The following GIPC2 variants were observed in gnomAD, a reference collection of about 807,000 sequenced individuals.
GIPC2 encodes PDZ domain-containing protein GIPC2.
Under a neutral mutation model 30.6 loss-of-function variants are expected in GIPC2, and 30 were observed. The observed-to-expected ratio is 0.98, with a 90% CI of 0.73 to 1.33. GIPC2 has a LOEUF of 1.33. GIPC2 is among the 40% of genes most tolerant of loss of function. The pLI is 0.00. For missense variants in GIPC2, 414 were observed against 390.3 expected (o/e 1.06, Z -0.51); for synonymous variants, 167 against 150.0 (o/e 1.11, Z -0.83).
chr1:78,135,698 T>C lies in GIPC2; in HGVS notation c.903T>C (p.Phe301=). The change falls in exon 6 of 6, where the codon TTT becomes TTC. Residue 301 remains phenylalanine, a synonymous_variant. Transcript: ENST00000370759. ...TTGCGTTCCCAGACGAATTTGTCTT[T>C]GATGTTTGGGGAGTCATTGGTGATG... ...GDFAFPDEFV[F]DVWGVIGDAK... 2 of 1,613,822 alleles carry C rather than the reference T, an allele frequency of 1.2e-6. No individual in the cohort carries two copies. Among genetic ancestry groups the C allele is most frequent in the Non-Finnish European group, 1.7e-6 (2 of 1,179,810 alleles).
At chr1:78,048,317 CAG>C (rs911609881) in intron 1 of GIPC2, among the ~76,000 whole-genome samples, 4 of 152,126 alleles carry the variant, frequency 2.6e-5, no homozygotes, top group African/African-American at 9.7e-5. Context: ...CCCCACTTCA[CAG>C]AGAGGAAACA....
intron 1 of GIPC2, among the ~76,000 whole-genome samples, chr1:78,063,906 A>G (rs960367426): frequency 5.9e-5 from 9 of 152,010 alleles, no homozygotes; most frequent in Admixed American, 5.2e-4. Flanking sequence ...AGACAAAAAA[A>G]AAAAAAAAAA....
chr1:78,060,973 A>T (rs654185), intron 1 of GIPC2, among the ~76,000 whole-genome samples: 34,431 of 151,730 alleles, frequency 0.23, 4,270 homozygotes, highest in East Asian at 0.51. Flanking sequence ...GAAGAACAGG[A>T]GTAGCCCTAA....
At chr1:78,093,455 A>G (rs796627730) in intron 2 of GIPC2, among the ~76,000 whole-genome samples, 3 of 152,252 alleles carry the variant, frequency 2.0e-5, no homozygotes, top group Non-Finnish European at 4.4e-5. Flanking sequence ...TGCATATAGC[A>G]TGTTAACAGC....
chr1:78,079,019 G>T (rs1661774675), intron 1 of GIPC2, among the ~76,000 whole-genome samples: 1 of 152,038 alleles, frequency 6.6e-6, no homozygotes, highest in Non-Finnish European at 1.5e-5. Context: ...TTACAGTTAG[G>T]ATCAGAAATA....
intron 3 of GIPC2, among the ~76,000 whole-genome samples, chr1:78,110,079 T>A (rs1429454291): frequency 3.9e-5 from 6 of 151,946 alleles, no homozygotes; most frequent in Admixed American, 1.3e-4. Context: ...GAGATATACC[T>A]AATGTAAATG....
chr1:78,067,131 A>G (rs771445993), intron 1 of GIPC2, among the ~76,000 whole-genome samples: 3 of 151,994 alleles, frequency 2.0e-5, no homozygotes, highest in Non-Finnish European at 4.4e-5. Flanking sequence ...TGGCTATTTG[A>G]CAGGTTTATA....
intron 3 of GIPC2, among the ~76,000 whole-genome samples, chr1:78,102,801 G>A (rs1662272917): frequency 6.6e-6 from 1 of 152,196 alleles, no homozygotes; most frequent in African/African-American, 2.4e-5. Context: ...TTATAAAGGT[G>A]TATCCTTTTC....
At chr1:78,110,889 T>G (rs1002399688) in intron 3 of GIPC2, among the ~76,000 whole-genome samples, 2 of 152,210 alleles carry the variant, frequency 1.3e-5, no homozygotes, top group Non-Finnish European at 2.9e-5. Context: ...TAAACTGATT[T>G]GGTGAGATCT....
At chr1:78,073,463 C>A (rs1370301947) in intron 1 of GIPC2, among the ~76,000 whole-genome samples, 4 of 151,918 alleles carry the variant, frequency 2.6e-5, no homozygotes, top group Non-Finnish European at 4.4e-5. Flanking sequence ...ATTTGAGATA[C>A]AGTATAAAAA....
chr1:78,054,984 T>C (rs1189694907), intron 1 of GIPC2, among the ~76,000 whole-genome samples: 3 of 152,184 alleles, frequency 2.0e-5, no homozygotes, highest in Non-Finnish European at 4.4e-5. Context: ...AGTGGAAGGC[T>C]CTTGCAGGTT....
chr1:78,082,437 C>A (rs1309705376), intron 2 of GIPC2, among the ~76,000 whole-genome samples: 2 of 152,080 alleles, frequency 1.3e-5, no homozygotes, highest in Non-Finnish European at 2.9e-5. Context: ...TTTAGCTCTG[C>A]AAAAGATATG....
At chr1:78,115,188 A>G (rs551005189) in intron 3 of GIPC2, among the ~76,000 whole-genome samples, 1 of 151,984 alleles carries the variant, frequency 6.6e-6, no homozygotes, top group South Asian at 2.1e-4. Flanking sequence ...TTTTTTTTCA[A>G]TGTATGTAGA....
chr1:78,074,410 G>A (rs1428548068), intron 1 of GIPC2, among the ~76,000 whole-genome samples: 1 of 152,102 alleles, frequency 6.6e-6, no homozygotes, highest in Non-Finnish European at 1.5e-5. Context: ...ATTTTAAGAG[G>A]TGTAGTCTCG....
intron 1 of GIPC2, among the ~76,000 whole-genome samples, chr1:78,052,081 C>T (rs1020598615): frequency 6.6e-6 from 1 of 152,192 alleles, no homozygotes; most frequent in African/African-American, 2.4e-5. Context: ...CTGCTCCAGC[C>T]AGACTGGTCT....
chr1:78,130,032 G>A (rs575820027), intron 5 of GIPC2, among the ~76,000 whole-genome samples: 25 of 150,438 alleles, frequency 1.7e-4, no homozygotes, highest in African/African-American at 6.1e-4. Context: ...GTCTGTTATA[G>A]CTCTTGAAAA....
In GIPC2 at chr1:78,070,558, A is replaced by G. The variant is rs192459829; in HGVS notation, c.241-10117A>G. The stretch of plus-strand genomic sequence containing the variant: ...ATATATATATGGCTATATGCATTTG[A>G]TTTATTTTATTCGTTGGTTTAGTAT... On this transcript the variant is annotated intron_variant, in intron 1 of 5. Transcript: ENST00000370759. Among the ~76,000 whole-genome samples, 889 of 152,082 alleles carry G rather than the reference A, an allele frequency of 5.8e-3. 9 individuals are homozygous for G. The highest frequency in any genetic ancestry group is 0.021 in the African/African-American group (858 of 41,468).
chr1:78,137,710 G>GT lies in GIPC2; in HGVS notation c.*1972dup, dbSNP rs1663032386. 6.7e-6 allele frequency: 1 copy of GT among 149,436 alleles called. No homozygotes were observed. The highest frequency in any genetic ancestry group is 2.1e-4 in the South Asian group (1 of 4,674). The allele number at this position is 149,436 out of a possible 1,614,324, so 9.3% of individuals were successfully genotyped here. A position where few individuals can be genotyped will look rare whatever the true frequency, so the allele number is the denominator to read the frequency against. ...GTACTCTATATACTGCCTGTAATAG[G>GT]TTTTTCCTTGAAATATCCTTATCTT... On this transcript the variant is annotated 3_prime_UTR_variant, in exon 6 of 6. Transcript: ENST00000370759.
intron 3 of GIPC2, among the ~76,000 whole-genome samples, chr1:78,119,185 G>T (rs1662631298): frequency 6.6e-6 from 1 of 151,996 alleles, no homozygotes; most frequent in South Asian, 2.1e-4. Context: ...CTTGGAGTTA[G>T]AACTCTCTCA....
Sources: gnomAD v4.1 joint callset for allele counts (sites outside exome capture counted in the v4.1 genomes callset) on GRCh38, gnomAD v4.1.1 for gene constraint, MANE v1.5 for transcripts, NCBI Gene and HGNC (gene_info 2026-07-23, HGNC 2026-07-21) for gene names.